The following TUSC3 variants were observed in gnomAD, a reference collection of about 807,000 sequenced individuals.
The protein encoded by TUSC3 is tumor suppressor candidate 3.
A neutral mutation model predicts 44.8 loss-of-function variants in TUSC3; 45 were observed. That is an observed-to-expected ratio of 1.00 (90% CI 0.79 to 1.29). The LOEUF is 1.29. Ranked by LOEUF, TUSC3 falls within the 50% of genes most tolerant of loss-of-function variation. The probability of loss-of-function intolerance (pLI) is 0.00; values close to 1 mark genes in which losing one functional copy is unlikely to be tolerated. For synonymous variants in TUSC3, 212 were observed against 152.9 expected (o/e 1.39, Z -2.85); for missense variants, 519 against 437.9 (o/e 1.19, Z -1.65).
chr8:15,430,006 A>T (rs961702710), intron 1 of TUSC3, among the ~76,000 whole-genome samples: 1 of 151,552 alleles, frequency 6.6e-6, no homozygotes, highest in Admixed American at 6.6e-5. Flanking sequence ...ACCAAAAAAA[A>T]TCCAGGACCA....
chr8:15,550,632 T>C (rs772875111), intron 1 of TUSC3, among the ~76,000 whole-genome samples: 2 of 151,594 alleles, frequency 1.3e-5, no homozygotes, highest in East Asian at 1.9e-4. Context: ...CATGATTCTT[T>C]CCTCTGTCTT....
intron 7 of TUSC3, 70 bp downstream of exon 7, chr8:15,730,799 T>C (rs994515120): frequency 3.4e-6 from 5 of 1,473,018 alleles, no homozygotes; most frequent in Admixed American, 1.8e-5. Flanking sequence ...TTGACATTTT[T>C]CCTGGCAGTA....
At chr8:15,675,015 C>CGAG (rs1808121850) in intron 6 of TUSC3, among the ~76,000 whole-genome samples, 1 of 151,994 alleles carries the variant, frequency 6.6e-6, no homozygotes, top group Non-Finnish European at 1.5e-5. Context: ...ACTCTGTCTC[C>CGAG]CTCTCCTGTT....
intron 3 of TUSC3, among the ~76,000 whole-genome samples, chr8:15,656,246 C>G (rs1807159815): frequency 6.6e-6 from 1 of 152,054 alleles, no homozygotes; most frequent in South Asian, 2.1e-4. Context: ...CATTCTAGTA[C>G]CAACTCAAAA....
At chr8:15,821,624 C>T in the TUSC3 span, among the ~76,000 whole-genome samples, 68 of 150,846 alleles carry the variant, frequency 4.5e-4, no homozygotes, top group Non-Finnish European at 6.6e-4. Context: ...TGCTGATGTT[C>T]TCCTCTGTGA....
intron 6 of TUSC3, among the ~76,000 whole-genome samples, chr8:15,711,538 ATATT>A (rs2129199898): frequency 6.7e-6 from 1 of 150,184 alleles, no homozygotes; most frequent in Non-Finnish European, 1.5e-5. Context: ...ATATGTATAT[ATATT>A]TGTTTAAATC....
chr8:15,807,118 A>C, the TUSC3 span: 1 of 1,128,542 alleles, frequency 8.9e-7, no homozygotes, highest in Non-Finnish European at 1.3e-6. Context: ...TACACAGCAA[A>C]GAATGACCAC....
intron 6 of TUSC3, among the ~76,000 whole-genome samples, chr8:15,718,757 C>T (rs1031661038): frequency 2.6e-5 from 4 of 151,916 alleles, no homozygotes; most frequent in Non-Finnish European, 5.9e-5. Context: ...CTCAGTTGAA[C>T]TTAAATGGTC....
chr8:15,603,215 T>G (rs1804365650), intron 1 of TUSC3, among the ~76,000 whole-genome samples: 1 of 151,674 alleles, frequency 6.6e-6, no homozygotes, highest in Non-Finnish European at 1.5e-5. Flanking sequence ...ATAGATAATC[T>G]GATCAGAGTT....
chr8:15,720,913 C>T (rs1381612698), intron 6 of TUSC3, among the ~76,000 whole-genome samples: 3 of 152,112 alleles, frequency 2.0e-5, no homozygotes, highest in East Asian at 3.9e-4. Flanking sequence ...TCCCTGGCCA[C>T]CCAGGGTTCT....
At chr8:15,824,035 T>A in the TUSC3 span, among the ~76,000 whole-genome samples, 1 of 152,238 alleles carries the variant, frequency 6.6e-6, no homozygotes, top group African/African-American at 2.4e-5. Context: ...ATTTTTTAAA[T>A]TTTTAAGCAA....
chr8:15,598,888 A>G (rs191093430), intron 1 of TUSC3, among the ~76,000 whole-genome samples: 1 of 151,958 alleles, frequency 6.6e-6, no homozygotes, highest in African/African-American at 2.4e-5. Context: ...TTATGAATAA[A>G]GGTGTTATCA....
intron 1 of TUSC3, among the ~76,000 whole-genome samples, chr8:15,428,154 C>G (rs1253168848): frequency 6.8e-5 from 8 of 118,480 alleles, no homozygotes; most frequent in African/African-American, 2.6e-4. Context: ...AGTGTGTGAT[C>G]GTCCCCTTCC....
chr8:15,638,024 A>T (rs1157398296), intron 2 of TUSC3, among the ~76,000 whole-genome samples: 1 of 152,256 alleles, frequency 6.6e-6, no homozygotes, highest in African/African-American at 2.4e-5. Context: ...TAAGACTGCC[A>T]TGTTTGTTCC....
intron 10 of TUSC3, 53 bp from the exon 11 acceptor site, chr8:15,764,150 G>A: frequency 6.8e-7 from 1 of 1,469,294 alleles, no homozygotes; most frequent in Non-Finnish European, 9.5e-7. Flanking sequence ...CAAACATATT[G>A]TATTTTCCTT....
chr8:15,699,308 G>C (rs1399869317), intron 6 of TUSC3, among the ~76,000 whole-genome samples: 1 of 152,256 alleles, frequency 6.6e-6, no homozygotes, highest in East Asian at 1.9e-4. Flanking sequence ...TAGAAAAAGT[G>C]TTTTTCATTT....
At chr8:15,785,255 A>G in the TUSC3 span, among the ~76,000 whole-genome samples, 1 of 151,842 alleles carries the variant, frequency 6.6e-6, no homozygotes. Context: ...CTATATAGAA[A>G]GAAACTGTAA....
chr8:15,547,003 CTTG>C (rs541536873), intron 1 of TUSC3, among the ~76,000 whole-genome samples: 2 of 151,448 alleles, frequency 1.3e-5, no homozygotes, highest in Admixed American at 6.6e-5. Flanking sequence ...AGAATAGCAT[CTTG>C]TTGTCATTTA....
chr8:15,636,297 T>C (rs1477515985), intron 2 of TUSC3, among the ~76,000 whole-genome samples: 1 of 152,078 alleles, frequency 6.6e-6, no homozygotes, highest in Non-Finnish European at 1.5e-5. Context: ...AACTTTGAGT[T>C]GGGTGGCAGA....
Sources: allele counts gnomAD v4.1 joint callset (sites outside exome capture counted in the v4.1 genomes callset), GRCh38; gene constraint gnomAD v4.1.1; transcripts MANE v1.5; gene names NCBI Gene and HGNC (gene_info 2026-07-23, HGNC 2026-07-21).